The following TENM3 variants were observed in gnomAD, a reference collection of about 807,000 sequenced individuals.
TENM3 encodes the protein teneurin transmembrane protein 3, also known as teneurin-3.
Under a neutral mutation model 255.1 loss-of-function variants are expected in TENM3, and 63 were observed. The observed-to-expected ratio is 0.25, with a 90% CI of 0.20 to 0.30. The LOEUF is 0.30. Ranked by LOEUF, TENM3 falls within the 10% of genes least tolerant of loss-of-function variation. The pLI is 1.00. For synonymous variants in TENM3, 1,306 were observed against 1,322.3 expected (o/e 0.99, Z 0.27); for missense variants, 2,929 against 3,461.1 (o/e 0.85, Z 3.86).
the TENM3 span, among the ~76,000 whole-genome samples, chr4:181,666,256 T>C: frequency 6.6e-6 from 1 of 152,192 alleles, no homozygotes; most frequent in South Asian, 2.1e-4. Flanking sequence ...CATGTCTTTA[T>C]TTATTTCGGA....
At chr4:182,070,763 T>C in the TENM3 span, among the ~76,000 whole-genome samples, 3 of 152,196 alleles carry the variant, frequency 2.0e-5, no homozygotes, top group East Asian at 1.9e-4. Flanking sequence ...TGAATTCCAA[T>C]GATTGAGAAG....
chr4:182,380,542 T>C (rs1329398342), intron 3 of TENM3, among the ~76,000 whole-genome samples: 1 of 152,228 alleles, frequency 6.6e-6, no homozygotes, highest in Admixed American at 6.5e-5. Context: ...AATGCACTTA[T>C]ATGTGCCCTG....
At chr4:181,470,904 T>C in the TENM3 span, among the ~76,000 whole-genome samples, 5 of 152,348 alleles carry the variant, frequency 3.3e-5, no homozygotes, top group African/African-American at 1.2e-4. Flanking sequence ...ATGAAATAAC[T>C]AATTTATTTG....
intron 3 of TENM3, among the ~76,000 whole-genome samples, chr4:182,572,228 T>C (rs1744459228): frequency 6.6e-6 from 1 of 152,220 alleles, no homozygotes; most frequent in Admixed American, 6.5e-5. Context: ...AAACAGAGAC[T>C]TTGTACTGAT....
At chr4:182,606,660 G>A (rs77501371) in intron 4 of TENM3, among the ~76,000 whole-genome samples, 16,742 of 152,086 alleles carry the variant, frequency 0.11, 1,592 homozygotes, top group East Asian at 0.45. Context: ...CTGAAGTAGA[G>A]GCTTCATTCT....
the TENM3 span, among the ~76,000 whole-genome samples, chr4:181,744,915 A>T: frequency 1.3e-5 from 2 of 152,206 alleles, no homozygotes; most frequent in African/African-American, 4.8e-5. Flanking sequence ...CCAGTTTTAG[A>T]TGCCTCTTAG....
intron 13 of TENM3, among the ~76,000 whole-genome samples, chr4:182,716,466 ACCT>A (rs1205696447): frequency 6.6e-6 from 1 of 151,748 alleles, no homozygotes; most frequent in African/African-American, 2.4e-5. Flanking sequence ...CTGACAGAAG[ACCT>A]CCTGTGGATT....
chr4:182,680,792 T>G, intron 10 of TENM3, 55 bp downstream of exon 10: 1 of 1,323,588 alleles, frequency 7.6e-7, no homozygotes, highest in East Asian at 2.6e-5. Context: ...AGAAACAGAT[T>G]GTATCTGTAA....
At chr4:182,696,318 T>A (rs36058479) in intron 12 of TENM3, among the ~76,000 whole-genome samples, 2 of 152,018 alleles carry the variant, frequency 1.3e-5, no homozygotes, top group Admixed American at 1.3e-4. Flanking sequence ...CTCTCTATAC[T>A]CTCTATAGAA....
chr4:182,537,617 A>G (rs569793337), intron 3 of TENM3, among the ~76,000 whole-genome samples: 3 of 152,118 alleles, frequency 2.0e-5, no homozygotes, highest in African/African-American at 4.8e-5. Flanking sequence ...CCTTCTCACC[A>G]TGAAAACGTC....
At chr4:182,389,689 C>CTTTTT (rs1561396800) in intron 3 of TENM3, among the ~76,000 whole-genome samples, 1 of 9,902 alleles carries the variant, frequency 1.0e-4, no homozygotes, top group Non-Finnish European at 2.7e-4. Context: ...CAGTAGATGA[C>CTTTTT]TCTTTTTTTT....
chr4:181,869,660 A>G, the TENM3 span, among the ~76,000 whole-genome samples: 1 of 152,120 alleles, frequency 6.6e-6, no homozygotes, highest in African/African-American at 2.4e-5. Context: ...ATTTTTTGAA[A>G]CCAAGACTTT....
intron 1 of TENM3, among the ~76,000 whole-genome samples, chr4:182,153,802 G>A (rs376032488): frequency 2.4e-4 from 37 of 152,122 alleles, no homozygotes; most frequent in African/African-American, 7.7e-4. Context: ...AAAGGACAAT[G>A]TGAGTTACTG....
intron 13 of TENM3, among the ~76,000 whole-genome samples, chr4:182,717,237 G>A (rs1176875582): frequency 6.6e-6 from 1 of 152,022 alleles, no homozygotes; most frequent in African/African-American, 2.4e-5. Flanking sequence ...CACTAAATAG[G>A]TGTTCCTCCT....
At chr4:182,680,371 C>T (rs754560073) in intron 9 of TENM3, 22 bp downstream of exon 9, 6 of 1,563,220 alleles carry the variant, frequency 3.8e-6, no homozygotes, top group Non-Finnish European at 5.3e-6. Flanking sequence ...AGATTCTTCT[C>T]TTAAGCCGAT....
At chr4:182,107,038 G>T in the TENM3 span, among the ~76,000 whole-genome samples, 1 of 152,012 alleles carries the variant, frequency 6.6e-6, no homozygotes, top group African/African-American at 2.4e-5. Context: ...GTTTGTACTT[G>T]TCTAGAATAT....
intron 11 of TENM3, among the ~76,000 whole-genome samples, chr4:182,682,513 A>G (rs1756252999): frequency 1.3e-5 from 2 of 152,212 alleles, no homozygotes; most frequent in African/African-American, 4.8e-5. Context: ...AAATAAGACA[A>G]GGTAATTTCA....
chr4:182,264,207 A>G (rs541966484), intron 1 of TENM3, among the ~76,000 whole-genome samples: 98 of 152,362 alleles, frequency 6.4e-4, no homozygotes, highest in African/African-American at 2.3e-3. Context: ...ATTTTGAGCT[A>G]TGAATTCGTT....
intron 19 of TENM3, among the ~76,000 whole-genome samples, chr4:182,748,766 A>C (rs1393518166): frequency 6.6e-6 from 1 of 152,162 alleles, no homozygotes; most frequent in African/African-American, 2.4e-5. Flanking sequence ...TCCTGTGGGA[A>C]TATTTCCAGA....
Sources: gnomAD v4.1 joint callset for allele counts (sites outside exome capture counted in the v4.1 genomes callset) on GRCh38, gnomAD v4.1.1 for gene constraint, MANE v1.5 for transcripts, NCBI Gene and HGNC (gene_info 2026-07-23, HGNC 2026-07-21) for gene names.